Variants in WDR27 observed in about 807,000 individuals in gnomAD.
The protein encoded by WDR27 is WD repeat domain 27.
WDR27 carries 100 observed loss-of-function variants against 114.4 expected under a neutral mutation model. The ratio of observed to expected loss-of-function variants is 0.87; its 90% confidence interval spans 0.74 to 1.03. WDR27 has a LOEUF of 1.03. WDR27 is among the 50% of genes least tolerant of loss of function. WDR27 has a pLI of 0.00. For synonymous variants in WDR27, 449 were observed against 423.1 expected, an observed-to-expected ratio of 1.06 and a Z score of -0.75; for missense variants, 1,129 against 1,092.9, an observed-to-expected ratio of 1.03 and a Z score of -0.47.
chr6:169,508,966 C>T (rs1164526889), intron 25 of WDR27, among the ~76,000 whole-genome samples: 5 of 152,064 alleles, frequency 3.3e-5, no homozygotes, highest in East Asian at 1.9e-4. Context: ...CAGGTTTTAT[C>T]GTTGTTGTTG....
intron 25 of WDR27, among the ~76,000 whole-genome samples, chr6:169,511,769 C>T (rs1358218294): frequency 6.6e-6 from 1 of 152,126 alleles, no homozygotes; most frequent in Non-Finnish European, 1.5e-5. Context: ...TCTTCAGCTA[C>T]TATTCATATC....
the WDR27 span, among the ~76,000 whole-genome samples, chr6:169,431,810 A>G: frequency 2.0e-5 from 3 of 152,296 alleles, no homozygotes; most frequent in Admixed American, 2.0e-4. Flanking sequence ...CAAACAATTT[A>G]TTTTTCTTAG....
At chr6:169,638,309 C>A (rs552608672) in intron 18 of WDR27, among the ~76,000 whole-genome samples, 1 of 116,962 alleles carries the variant, frequency 8.5e-6, no homozygotes, top group Non-Finnish European at 1.6e-5. Context: ...GGCGACAGAG[C>A]GAGACTCCGT....
intron 25 of WDR27, among the ~76,000 whole-genome samples, chr6:169,531,597 T>C (rs1388696405): frequency 1.3e-5 from 2 of 151,946 alleles, no homozygotes; most frequent in Non-Finnish European, 2.9e-5. Flanking sequence ...GCAATCGACA[T>C]GAAATCACAG....
chr6:169,695,722 T>C (rs1785740778), intron 1 of WDR27, among the ~76,000 whole-genome samples: 3 of 152,232 alleles, frequency 2.0e-5, no homozygotes, highest in South Asian at 2.1e-4. Context: ...CTGCAAACAT[T>C]AGGCTACACA....
chr6:169,670,633 A>T lies in WDR27; in HGVS notation c.392T>A (p.Leu131Ter). 1 of 1,614,006 alleles carries T rather than the reference A, an allele frequency of 6.2e-7. No homozygotes were observed. The highest frequency in any genetic ancestry group is 8.5e-7 in the Non-Finnish European group (1 of 1,179,888). The change falls in exon 4 of 26, where the codon TTG becomes TAG. Residue 131 changes from leucine (L) to a stop codon, truncating the protein, a stop_gained. Transcript: ENST00000448612. LOFTEE classifies it high-confidence loss of function. ...GGCAACAACATGATCATCCAGGCTCAACTGTAAACACAGCACCTTTCCCAA... is the reference window on the plus strand; with the variant it reads ...GGCAACAACATGATCATCCAGGCTCTACTGTAAACACAGCACCTTTCCCAA... ...SLLGKVLCLQ[L>*]SLDDHVVAVC... is the part of the protein sequence containing the mutation.
chr6:169,520,837 A>G (rs1794288482), intron 25 of WDR27, among the ~76,000 whole-genome samples: 1 of 152,112 alleles, frequency 6.6e-6, no homozygotes, highest in Non-Finnish European at 1.5e-5. Flanking sequence ...ACAGAAAGAG[A>G]AAAAAAGGAA....
At chr6:169,434,184 T>C in the WDR27 span, among the ~76,000 whole-genome samples, 24 of 152,352 alleles carry the variant, frequency 1.6e-4, no homozygotes, top group East Asian at 4.2e-3. Context: ...CTCGATGGTA[T>C]TGCCTAGGTT....
chr6:169,557,308 T>C (rs1213660236), intron 25 of WDR27, among the ~76,000 whole-genome samples: 5 of 152,250 alleles, frequency 3.3e-5, no homozygotes, highest in African/African-American at 9.6e-5. Context: ...ATGGCATTCA[T>C]GTGACAACCC....
chr6:169,435,958 C>T, the WDR27 span, among the ~76,000 whole-genome samples: 24 of 152,302 alleles, frequency 1.6e-4, no homozygotes, highest in East Asian at 1.4e-3. Context: ...TTTTCTCATA[C>T]ACCAGTGAAT....
chr6:169,592,378 A>G (rs548595562), intron 23 of WDR27, among the ~76,000 whole-genome samples: 1 of 151,796 alleles, frequency 6.6e-6, no homozygotes, highest in African/African-American at 2.4e-5. Flanking sequence ...CTTCTGGGGG[A>G]AAAAAATGTT....
At chr6:169,601,770 C>T (rs573185309) in intron 23 of WDR27, among the ~76,000 whole-genome samples, 1 of 152,322 alleles carries the variant, frequency 6.6e-6, no homozygotes, top group South Asian at 2.1e-4. Flanking sequence ...TGCCCCAAAT[C>T]CACCATGAGG....
chr6:169,670,541 G>A lies in WDR27; in HGVS notation c.456+28C>T, dbSNP rs373925508. 1.6e-5 allele frequency: 26 copies of A among 1,613,522 alleles called. No individual in the cohort carries two copies. The East Asian group carries it at 2.7e-4, about 17-fold the overall frequency. On this transcript the variant is annotated intron_variant, in intron 4 of 25. Transcript: ENST00000448612. ...GAGGCCCCATCAGCTAAACCCTTCC[G>A]TGAAATCCACGTGAATTTCAATCTT...
In WDR27 at chr6:169,634,500, G is replaced by T; in HGVS notation, c.2029C>A (p.Leu677Met). 6.2e-7 allele frequency: 1 copy of T among 1,612,120 alleles called. No individual in the cohort carries two copies. Among genetic ancestry groups the T allele is most frequent in the Non-Finnish European group, 8.5e-7 (1 of 1,179,120 alleles). ...KRYKQKSKSK[L>M]ICRLSTTGAV... The stretch of plus-strand genomic sequence containing the variant: ...CCCGTCGTGGAGAGCCTGCAAATCA[G>T]CTTGGACTTGCTCTTCTGTTTATAT... The change falls in exon 20 of 26, where the codon CTG (leucine) becomes ATG (methionine). Residue 677 changes from leucine to methionine, a missense_variant. Physicochemically the swap from Leu to Met is conservative, Grantham distance 15 (BLOSUM62 2). Transcript: ENST00000448612.
At chr6:169,483,394 T>C (rs1057467139) in intron 25 of WDR27, among the ~76,000 whole-genome samples, 20 of 152,304 alleles carry the variant, frequency 1.3e-4, no homozygotes, top group African/African-American at 4.8e-4. Flanking sequence ...AATACCTCTA[T>C]GCATACGAAC....
At chr6:169,660,035 G>A (rs1311088569) in intron 10 of WDR27, among the ~76,000 whole-genome samples, 1 of 151,954 alleles carries the variant, frequency 6.6e-6, no homozygotes, top group African/African-American at 2.4e-5. Context: ...ACCGAGAGGA[G>A]CAGTGCCCGG....
At chr6:169,686,809 TAA>T (rs1367234605) in intron 2 of WDR27, among the ~76,000 whole-genome samples, 1 of 152,106 alleles carries the variant, frequency 6.6e-6, no homozygotes, top group African/African-American at 2.4e-5. Context: ...TATTCTGCCA[TAA>T]AAAAGACTGA....
At chr6:169,604,075 CCA>C (rs1375555306) in intron 22 of WDR27, among the ~76,000 whole-genome samples, 7 of 152,044 alleles carry the variant, frequency 4.6e-5, no homozygotes, top group South Asian at 2.1e-4. Flanking sequence ...CAAACCAAAT[CCA>C]CAGTTAGCAA....
At chr6:169,637,368 G>A (rs1049547564) in intron 18 of WDR27, among the ~76,000 whole-genome samples, 2 of 152,168 alleles carry the variant, frequency 1.3e-5, no homozygotes, top group African/African-American at 2.4e-5. Flanking sequence ...TGTGGCATTC[G>A]CAGACCATAA....
Sources: allele counts gnomAD v4.1 joint callset (sites outside exome capture counted in the v4.1 genomes callset), GRCh38; gene constraint gnomAD v4.1.1; transcripts MANE v1.5; gene names NCBI Gene and HGNC (gene_info 2026-07-23, HGNC 2026-07-21).